Variants in CASD1 observed in about 807,000 individuals in gnomAD.
CASD1 encodes the protein CAS1 domain sialic acid O acetyltransferase 1.
Under a neutral mutation model 100.0 loss-of-function variants are expected in CASD1, and 41 were observed. The ratio of observed to expected loss-of-function variants is 0.41; its 90% CI spans 0.32 to 0.53. The LOEUF is 0.53. Among genes scored for constraint, CASD1 ranks in the 20% least tolerant of loss-of-function variants. CASD1 has a pLI of 0.25. For synonymous variants in CASD1, 321 were observed against 315.6 expected, an observed-to-expected ratio of 1.02 and a Z score of -0.18; for missense variants, 774 against 948.7, an observed-to-expected ratio of 0.82 and a Z score of 2.42.
Position 94,510,040 on chromosome 7 carries a change from C to A in CASD1, c.-45C>A. ...GCCCCAGTGCTGCCCCTGTGCGGCGCCCCTTTCCCGCTCCGCCGCGCACTG... is the reference window on the plus strand; with the variant it reads ...GCCCCAGTGCTGCCCCTGTGCGGCGACCCTTTCCCGCTCCGCCGCGCACTG... On this transcript the variant is annotated 5_prime_UTR_variant, in exon 1 of 18. Transcript: ENST00000297273. 6.8e-7 allele frequency: 1 copy of A among 1,468,570 alleles called. No individual in the cohort carries two copies. Among genetic ancestry groups the A allele is most frequent in the Non-Finnish European group, 9.1e-7 (1 of 1,101,406 alleles). The allele number at this position is 1,468,570 out of a possible 1,614,324, so 91.0% of individuals were successfully genotyped here.
intron 3 of CASD1, among the ~76,000 whole-genome samples, chr7:94,526,665 C>T (rs964285214): frequency 2.0e-5 from 3 of 151,942 alleles, no homozygotes; most frequent in Non-Finnish European, 4.4e-5. Context: ...TGGTGGCGTG[C>T]ACCTGTGGTC....
rs1428655806 is a variant in CASD1 at position 94,545,609 on chromosome 7, T to A, written c.1541T>A (p.Phe514Tyr). 1 of 1,610,372 alleles carries A rather than the reference T, an allele frequency of 6.2e-7. No individual in the cohort carries two copies. The highest frequency in any genetic ancestry group is 1.1e-5 in the South Asian group (1 of 90,924). The part of the protein sequence containing the change: ...LCIVMDRPYQ[F>Y]YYFVPLVTVW... ...ATAGTAATGGATCGACCTTATCAAT[T>A]CTATTACTTTGTCCCCTTGGTCACT... Residue 514 changes from phenylalanine (F) to tyrosine (Y), a missense_variant, in exon 12 of 18, where the codon TTC becomes TAC. Transcript: ENST00000297273.
At chr7:94,517,376 C>T (rs1794032276) in intron 1 of CASD1, among the ~76,000 whole-genome samples, 184 bp from the exon 2 acceptor site, 1 of 152,132 alleles carries the variant, frequency 6.6e-6, no homozygotes, top group Admixed American at 6.6e-5. Flanking sequence ...TTCTCTTGTC[C>T]TCTTGAATAT....
At chr7:94,567,396 A>G in the CASD1 span, among the ~76,000 whole-genome samples, 2 of 152,102 alleles carry the variant, frequency 1.3e-5, no homozygotes, top group Admixed American at 6.6e-5. Flanking sequence ...CAGAATTCTA[A>G]TATCTGAGTA....
At chr7:94,557,881 G>A (rs375627252), downstream of CASD1, among the ~76,000 whole-genome samples, 164 of 151,916 alleles carry the variant, frequency 1.1e-3, 1 homozygote, top group African/African-American at 3.6e-3. Context: ...CTATATATAC[G>A]GTAAATGTCT....
chr7:94,604,413 TAC>T, the CASD1 span, among the ~76,000 whole-genome samples: 75 of 148,402 alleles, frequency 5.1e-4, no homozygotes, highest in African/African-American at 8.6e-4. Context: ...AGAATAGCCA[TAC>T]ACACACACAC....
At chr7:94,552,084 A>G (rs1795978183) in intron 15 of CASD1, 5 of 375,328 alleles carry the variant, frequency 1.3e-5, no homozygotes. Flanking sequence ...AAGGTGTTTC[A>G]TATGGAGAGC....
chr7:94,567,012 A>C, the CASD1 span, among the ~76,000 whole-genome samples: 1 of 152,142 alleles, frequency 6.6e-6, no homozygotes, highest in Non-Finnish European at 1.5e-5. Context: ...ACTCTCAATC[A>C]TCCAAACAGA....
chr7:94,621,037 A>C, the CASD1 span: 24 of 152,294 alleles, frequency 1.6e-4, no homozygotes, highest in Admixed American at 1.6e-3. Context: ...CTTGAGCTTC[A>C]TGCGGTGTGA....
rs528431376 is a variant in CASD1, at chr7:94,544,560, C to T, written c.1476+30C>T. ...GAATGCACTGTTATTTCCTTTTCTT[C>T]CAGTTGAACATACTTTCTTGAGAAA... is the stretch of plus-strand genomic sequence containing the variant. On this transcript the variant is annotated intron_variant, in intron 11 of 17. Transcript: ENST00000297273. 11 of 1,593,030 alleles carry T rather than the reference C, an allele frequency of 6.9e-6. No homozygotes were observed. In the South Asian group the frequency reaches 1.0e-4, roughly 15 times the overall value.
chr7:94,598,375 C>A, the CASD1 span: 1 of 193,992 alleles, frequency 5.2e-6, no homozygotes, highest in Non-Finnish European at 1.1e-5. Flanking sequence ...ATTTAGATTA[C>A]AAAGGTCTAT....
intron 3 of CASD1, among the ~76,000 whole-genome samples, chr7:94,520,740 G>C (rs975830345): frequency 6.6e-6 from 1 of 152,096 alleles, no homozygotes; most frequent in Non-Finnish European, 1.5e-5. Context: ...GGCAGATCAC[G>C]AGGTCAAGAG....
At chr7:94,627,300 A>G in the CASD1 span, 1 of 152,052 alleles carries the variant, frequency 6.6e-6, no homozygotes, top group Non-Finnish European at 1.5e-5. Context: ...AAAGTATTGT[A>G]TTAATTCCTA....
the CASD1 span, among the ~76,000 whole-genome samples, chr7:94,566,889 C>G: frequency 1.3e-5 from 2 of 152,122 alleles, no homozygotes; most frequent in African/African-American, 4.8e-5. Context: ...TTAACTACCC[C>G]TCGGCTCATC....
At chr7:94,588,652 C>A in the CASD1 span, 1 of 1,567,890 alleles carries the variant, frequency 6.4e-7, no homozygotes, top group South Asian at 1.1e-5. Context: ...CTATTAGATT[C>A]ATTCATAAAC....
the CASD1 span, among the ~76,000 whole-genome samples, chr7:94,595,739 C>T: frequency 2.0e-5 from 3 of 152,060 alleles, no homozygotes; most frequent in African/African-American, 7.2e-5. Context: ...TAAAGGACAG[C>T]TATGATGAAC....
At chr7:94,569,253 T>G in the CASD1 span, among the ~76,000 whole-genome samples, 20 of 152,182 alleles carry the variant, frequency 1.3e-4, no homozygotes, top group Non-Finnish European at 1.9e-4. Context: ...TTCACTGCAG[T>G]ATTACTTGTA....
the CASD1 span, among the ~76,000 whole-genome samples, chr7:94,613,482 A>G: frequency 6.6e-6 from 1 of 152,178 alleles, no homozygotes; most frequent in African/African-American, 2.4e-5. Context: ...AAGGCTCTCA[A>G]TGAATGCTAA....
chr7:94,551,781 AT>A (rs1054184960), intron 15 of CASD1: 45 of 156,870 alleles, frequency 2.9e-4, no homozygotes, highest in Non-Finnish European at 5.5e-4. Flanking sequence ...GATAAACTAT[AT>A]TTTTATCTAT....
Sources: gnomAD v4.1 joint callset for allele counts (sites outside exome capture counted in the v4.1 genomes callset) on GRCh38, gnomAD v4.1.1 for gene constraint, MANE v1.5 for transcripts, NCBI Gene and HGNC (gene_info 2026-07-23, HGNC 2026-07-21) for gene names.